JAZF1: variants seen among roughly 807,000 people sequenced by gnomAD.
JAZF1 encodes the protein JAZF zinc finger 1.
A neutral mutation model predicts 26.4 loss-of-function variants in JAZF1; 8 were observed. The ratio of observed to expected loss-of-function variants is 0.30; its 90% CI spans 0.18 to 0.55. The LOEUF (loss-of-function observed/expected upper bound fraction) is 0.55, where lower values mean the gene tolerates loss of function less well. JAZF1 is among the 20% of genes least tolerant of loss of function. JAZF1 has a pLI of 0.94. For missense variants in JAZF1, 199 were observed against 322.0 expected (o/e 0.62, Z 2.92); for synonymous variants, 126 against 122.3 (o/e 1.03, Z -0.20).
intron 1 of JAZF1, among the ~76,000 whole-genome samples, chr7:28,019,352 T>C (rs902338734): frequency 6.6e-6 from 1 of 152,188 alleles, no homozygotes; most frequent in African/African-American, 2.4e-5. Context: ...CAAAGGCACG[T>C]AGGGTGGCAA....
chr7:28,028,875 A>C (rs1259704038), intron 1 of JAZF1, among the ~76,000 whole-genome samples: 5 of 152,350 alleles, frequency 3.3e-5, no homozygotes, highest in African/African-American at 1.2e-4. Context: ...GATATTATAC[A>C]GTAAAAACTT....
chr7:28,044,610 T>G (rs1783462109), intron 1 of JAZF1, among the ~76,000 whole-genome samples: 1 of 152,070 alleles, frequency 6.6e-6, no homozygotes, highest in Non-Finnish European at 1.5e-5. Context: ...AATAACCTAT[T>G]CTTCTAAGGA....
intron 2 of JAZF1, among the ~76,000 whole-genome samples, chr7:27,913,955 GTTTC>G (rs147313888): frequency 0.032 from 4,909 of 152,108 alleles, 273 homozygotes; most frequent in African/African-American, 0.11. Flanking sequence ...TCATTGATGT[GTTTC>G]TTTATTTCCA....
intron 3 of JAZF1, among the ~76,000 whole-genome samples, chr7:27,882,307 G>GT (rs75022299): frequency 2.7e-3 from 379 of 142,946 alleles, no homozygotes; most frequent in African/African-American, 6.4e-3. Flanking sequence ...TAATTGGCTT[G>GT]TTTTTTTTTT....
At chr7:28,054,459 T>G (rs1783665648) in intron 1 of JAZF1, among the ~76,000 whole-genome samples, 1 of 152,118 alleles carries the variant, frequency 6.6e-6, no homozygotes, top group African/African-American at 2.4e-5. Flanking sequence ...CCATTACTTT[T>G]GAGAGGGAGA....
intron 2 of JAZF1, among the ~76,000 whole-genome samples, chr7:27,965,448 C>T (rs1785256707): frequency 6.6e-6 from 1 of 152,186 alleles, no homozygotes; most frequent in Admixed American, 6.5e-5. Flanking sequence ...CTTAAGTCTT[C>T]TGACATCCCA....
intron 1 of JAZF1, among the ~76,000 whole-genome samples, chr7:28,050,278 C>T (rs1007369674): frequency 2.6e-5 from 4 of 152,226 alleles, no homozygotes; most frequent in Non-Finnish European, 4.4e-5. Context: ...TTTATTATGT[C>T]GCAAGGCAAA....
At chr7:27,854,208 C>G (rs1288823823) in intron 3 of JAZF1, among the ~76,000 whole-genome samples, 1 of 152,154 alleles carries the variant, frequency 6.6e-6, no homozygotes, top group African/African-American at 2.4e-5. Flanking sequence ...CTTTTCTTTA[C>G]TTTCCATTTG....
At chr7:28,065,511 C>A (rs972635360) in intron 1 of JAZF1, among the ~76,000 whole-genome samples, 6 of 152,174 alleles carry the variant, frequency 3.9e-5, no homozygotes, top group Non-Finnish European at 7.3e-5. Context: ...AGACCTTCTC[C>A]TGCCAACAAG....
chr7:28,107,670 A>G (rs981681426), intron 1 of JAZF1, among the ~76,000 whole-genome samples: 5 of 152,256 alleles, frequency 3.3e-5, no homozygotes, highest in African/African-American at 4.8e-5. Context: ...AAATGAGGAC[A>G]TAAGGACCTC....
chr7:27,876,578 G>GT (rs1170990446), intron 3 of JAZF1, among the ~76,000 whole-genome samples: 1 of 152,166 alleles, frequency 6.6e-6, no homozygotes, highest in East Asian at 1.9e-4. Context: ...CTCTAGGTAA[G>GT]TTTTGCCAGC....
Position 28,134,139 on chromosome 7 carries a change from T to C in JAZF1, c.115+46324A>G, listed in dbSNP as rs17156464. The stretch of plus-strand genomic sequence containing the variant: ...GTGGGTACTGAGCACTCCATGCATG[T>C]TGGCTATAAAAAAGATTTTCAGTAA... On this transcript the variant is annotated intron_variant, in intron 1 of 4. Transcript: ENST00000283928. Among the ~76,000 whole-genome samples, 1,981 of 152,286 alleles carry C rather than the reference T, an allele frequency of 0.013. 133 individuals carry two copies. In the East Asian group the frequency reaches 0.22, roughly 17 times the overall value.
chr7:28,008,698 G>C (rs1209582029), intron 1 of JAZF1, among the ~76,000 whole-genome samples: 1 of 152,232 alleles, frequency 6.6e-6, no homozygotes, highest in Non-Finnish European at 1.5e-5. Flanking sequence ...CTTGGAACTT[G>C]AGTGCACACA....
chr7:28,011,376 T>C (rs558612137), intron 1 of JAZF1, among the ~76,000 whole-genome samples: 13 of 151,910 alleles, frequency 8.6e-5, no homozygotes, highest in African/African-American at 2.9e-4. Flanking sequence ...TGTTATTTAA[T>C]CATTATACTG....
chr7:28,105,154 TA>T lies in JAZF1; in HGVS notation c.115+75308del, dbSNP rs201301975. Among the ~76,000 whole-genome samples, 5 of 151,806 alleles carry T rather than the reference TA, an allele frequency of 3.3e-5. No homozygotes were observed. The East Asian group carries it at 7.8e-4, about 24-fold the overall frequency. ...ACACCAAACAGAAATGATACAGAGTTAAAAAAAACAAACAAGAACTCTCCTC... is the reference window on the plus strand; with the variant it reads ...ACACCAAACAGAAATGATACAGAGTTAAAAAAACAAACAAGAACTCTCCTC... On this transcript the variant is annotated intron_variant, in intron 1 of 4. Coordinates refer to ENST00000283928, the MANE Select transcript of JAZF1 (RefSeq NM_175061.4).
chr7:27,950,056 C>A (rs1332349992), intron 2 of JAZF1, among the ~76,000 whole-genome samples: 2 of 152,220 alleles, frequency 1.3e-5, no homozygotes, highest in Non-Finnish European at 2.9e-5. Context: ...CTCATTCCAC[C>A]TTCCACTCCT....
At chr7:28,116,840 T>C (rs957520040) in intron 1 of JAZF1, among the ~76,000 whole-genome samples, 8 of 152,096 alleles carry the variant, frequency 5.3e-5, no homozygotes, top group Non-Finnish European at 1.2e-4. Flanking sequence ...CTTTTTTCTT[T>C]TGAGACAGAG....
intron 1 of JAZF1, among the ~76,000 whole-genome samples, chr7:28,103,152 G>A (rs550888650): frequency 8.5e-4 from 130 of 152,212 alleles, no homozygotes; most frequent in African/African-American, 3.1e-3. Context: ...CACCTCGGTG[G>A]TCCCTCCTTC....
chr7:27,907,756 T>C (rs1054775332), intron 2 of JAZF1, among the ~76,000 whole-genome samples: 7 of 151,984 alleles, frequency 4.6e-5, no homozygotes, highest in Non-Finnish European at 2.9e-5. Context: ...CTCAAATAGG[T>C]AGGGTTTTTC....
Sources: gnomAD v4.1 joint callset for allele counts (sites outside exome capture counted in the v4.1 genomes callset) on GRCh38, gnomAD v4.1.1 for gene constraint, MANE v1.5 for transcripts, NCBI Gene and HGNC (gene_info 2026-07-23, HGNC 2026-07-21) for gene names.